Variants in RAB11FIP4 observed in about 807,000 individuals in gnomAD.
RAB11FIP4 encodes the protein rab11 family-interacting protein 4.
Under a neutral mutation model 74.3 loss-of-function variants are expected in RAB11FIP4, and 23 were observed. The ratio of observed to expected loss-of-function variants is 0.31; its 90% CI spans 0.22 to 0.44. The LOEUF (loss-of-function observed/expected upper bound fraction) is 0.44. Ranked by LOEUF, RAB11FIP4 falls within the 20% of genes least tolerant of loss-of-function variation. RAB11FIP4 has a pLI of 1.00. For synonymous variants in RAB11FIP4, 360 were observed against 359.9 expected, an observed-to-expected ratio of 1.00 and a Z score of 0.00; for missense variants, 630 against 863.9, an observed-to-expected ratio of 0.73 and a Z score of 3.39.
At chr17:31,525,822 C>T (rs78180411) in intron 10 of RAB11FIP4, 1,685 of 153,268 alleles carry the variant, frequency 0.011, 16 homozygotes, top group Middle Eastern at 0.017. Context: ...ATGATGATGC[C>T]TCTGTGATGA....
At chr17:31,427,641 A>T (rs910074396) in intron 1 of RAB11FIP4, among the ~76,000 whole-genome samples, 37 of 152,208 alleles carry the variant, frequency 2.4e-4, no homozygotes, top group Non-Finnish European at 5.9e-5. Flanking sequence ...TCCACCCTTG[A>T]CTTGCTTCAG....
intron 3 of RAB11FIP4, among the ~76,000 whole-genome samples, chr17:31,440,280 T>G (rs1370475494): frequency 6.6e-6 from 1 of 152,238 alleles, no homozygotes; most frequent in African/African-American, 2.4e-5. Flanking sequence ...GAATAGTCCC[T>G]CTTTCTCAAT....
At chr17:31,518,076 C>T (rs568488962) in intron 4 of RAB11FIP4, among the ~76,000 whole-genome samples, 199 bp downstream of exon 4, 1 of 152,288 alleles carries the variant, frequency 6.6e-6, no homozygotes, top group East Asian at 1.9e-4. Context: ...GAATTTTAGG[C>T]AGCTGTGCAA....
intron 3 of RAB11FIP4, among the ~76,000 whole-genome samples, chr17:31,460,374 C>T (rs935045653): frequency 6.6e-6 from 1 of 152,208 alleles, no homozygotes. Context: ...CGAATCACAG[C>T]TTGGCCCTTC....
At chr17:31,444,365 T>C (rs1381796687) in intron 3 of RAB11FIP4, among the ~76,000 whole-genome samples, 7 of 149,292 alleles carry the variant, frequency 4.7e-5, no homozygotes, top group Non-Finnish European at 4.4e-5. Context: ...CCCACCCTTC[T>C]AAAGAGAAAA....
At chr17:31,479,887 A>T (rs1428157113) in intron 3 of RAB11FIP4, among the ~76,000 whole-genome samples, 1 of 152,156 alleles carries the variant, frequency 6.6e-6, no homozygotes, top group Non-Finnish European at 1.5e-5. Flanking sequence ...CATTGGTGAA[A>T]TGGGATCCCT....
At chr17:31,466,359 G>A (rs1371709434) in intron 3 of RAB11FIP4, among the ~76,000 whole-genome samples, 1 of 152,054 alleles carries the variant, frequency 6.6e-6, no homozygotes, top group East Asian at 1.9e-4. Context: ...TTCCCCTGTC[G>A]GTGCCTTTGT....
chr17:31,497,161 C>T lies in RAB11FIP4; in HGVS notation c.337-20490C>T, dbSNP rs549834345. ...GGCGGATCACCTGAGGTCAAGAGTT[C>T]GAGACCAGCCTGACCAACATGGTGA... On this transcript the variant is annotated intron_variant, in intron 3 of 14. Coordinates refer to ENST00000621161, the MANE Select transcript of RAB11FIP4 (RefSeq NM_032932.6). Among the ~76,000 whole-genome samples, 65 of 152,188 alleles carry T rather than the reference C, an allele frequency of 4.3e-4. 1 individual carries two copies. The South Asian group carries it at 0.012, about 28-fold the overall frequency.
At chr17:31,445,225 A>G (rs921909071) in intron 3 of RAB11FIP4, among the ~76,000 whole-genome samples, 5 of 152,046 alleles carry the variant, frequency 3.3e-5, no homozygotes, top group African/African-American at 1.2e-4. Flanking sequence ...AAAATTTTCA[A>G]CCTTCAGAAA....
chr17:31,459,773 C>A (rs568528372), intron 3 of RAB11FIP4, among the ~76,000 whole-genome samples: 1 of 143,740 alleles, frequency 7.0e-6, no homozygotes, highest in Non-Finnish European at 1.5e-5. Flanking sequence ...GCCTCTTTAT[C>A]CCCCACCAGT....
intron 2 of RAB11FIP4, 71 bp downstream of exon 2, chr17:31,431,971 G>A (rs2071314187): frequency 8.2e-7 from 1 of 1,213,380 alleles, no homozygotes; most frequent in South Asian, 1.3e-5. Context: ...GGTGTGACTG[G>A]GGGCCCAGCC....
intron 1 of RAB11FIP4, among the ~76,000 whole-genome samples, chr17:31,425,793 G>A (rs976410374): frequency 6.6e-6 from 1 of 152,226 alleles, no homozygotes; most frequent in Non-Finnish European, 1.5e-5. Context: ...CTCCTGGCCT[G>A]GGAGCCAGAG....
rs188136999 is a variant in RAB11FIP4 at position 31,445,419 on chromosome 17, T to A, written c.336+11297T>A. Among the ~76,000 whole-genome samples, 225 of 151,160 alleles carry A rather than the reference T, an allele frequency of 1.5e-3. 2 individuals are homozygous for A. The highest frequency in any genetic ancestry group is 5.0e-3 in the African/African-American group (207 of 41,142). On this transcript the variant is annotated intron_variant, in intron 3 of 14. Coordinates refer to ENST00000621161, the MANE Select transcript of RAB11FIP4 (RefSeq NM_032932.6). ...ACTTCATCCTTAAATACTTGGCCAT[T>A]CCTAAGAAGGACACTCTCCTATGTG...
chr17:31,402,828 TG>T (rs2071003485), intron 1 of RAB11FIP4, among the ~76,000 whole-genome samples: 1 of 151,614 alleles, frequency 6.6e-6, no homozygotes, highest in Admixed American at 6.6e-5. Flanking sequence ...GGTTTCACCG[TG>T]TTAGCCAGGA....
At chr17:31,531,100 G>A (rs2072864001) in intron 14 of RAB11FIP4, 1 of 159,608 alleles carries the variant, frequency 6.3e-6, no homozygotes, top group Non-Finnish European at 1.4e-5. Flanking sequence ...CTGGGACACG[G>A]GGTGAAGAGC....
At chr17:31,509,653 G>T (rs1271283223) in intron 3 of RAB11FIP4, among the ~76,000 whole-genome samples, 3 of 152,212 alleles carry the variant, frequency 2.0e-5, no homozygotes, top group Non-Finnish European at 4.4e-5. Flanking sequence ...ACGTAGCAGT[G>T]CAGCATTTCT....
chr17:31,431,189 C>T (rs1411062382), intron 1 of RAB11FIP4, among the ~76,000 whole-genome samples: 5 of 152,182 alleles, frequency 3.3e-5, no homozygotes, highest in Non-Finnish European at 7.3e-5. Flanking sequence ...CCACTAACAA[C>T]GTGGGTTGTA....
chr17:31,440,553 G>A (rs539291375), intron 3 of RAB11FIP4, among the ~76,000 whole-genome samples: 11 of 152,276 alleles, frequency 7.2e-5, no homozygotes, highest in African/African-American at 2.6e-4. Flanking sequence ...TGGATCACCC[G>A]AGGTCAGGAG....
intron 3 of RAB11FIP4, among the ~76,000 whole-genome samples, chr17:31,458,066 TG>T (rs1267779264): frequency 8.5e-5 from 13 of 152,332 alleles, no homozygotes; most frequent in African/African-American, 2.6e-4. Flanking sequence ...GTAGGTACTG[TG>T]GTACCCATTT....
Sources: allele counts gnomAD v4.1 joint callset (sites outside exome capture counted in the v4.1 genomes callset), GRCh38; gene constraint gnomAD v4.1.1; transcripts MANE v1.5; gene names NCBI Gene and HGNC (gene_info 2026-07-23, HGNC 2026-07-21).